The following ARK2C variants were observed in gnomAD, a reference collection of about 807,000 sequenced individuals.
ARK2C encodes the protein arkadia (RNF111) C-terminal like ring finger ubiquitin ligase 2C, also known as E3 ubiquitin-protein ligase ARK2C.
the ARK2C span, among the ~76,000 whole-genome samples, chr18:46,394,548 C>T: frequency 6.6e-6 from 1 of 152,248 alleles, no homozygotes; most frequent in African/African-American, 2.4e-5. Flanking sequence ...ATTCAGCATT[C>T]AGTTCATCTC....
the ARK2C span, among the ~76,000 whole-genome samples, chr18:46,354,715 T>C: frequency 6.6e-6 from 1 of 152,206 alleles, no homozygotes; most frequent in Non-Finnish European, 1.5e-5. Context: ...TGTCCTAGTT[T>C]AATTGCCTCT....
the ARK2C span, among the ~76,000 whole-genome samples, chr18:46,383,744 C>G: frequency 6.6e-6 from 1 of 152,024 alleles, no homozygotes; most frequent in Non-Finnish European, 1.5e-5. Context: ...TTAATACAGA[C>G]GGGGTTTCAC....
At chr18:46,334,259 C>A in the ARK2C span, 1 of 1,482,488 alleles carries the variant, frequency 6.7e-7, no homozygotes, top group Non-Finnish European at 8.9e-7. The surrounding 1 kb of genome is among the most constrained non-coding windows in gnomAD (Gnocchi z 4.4). Context: ...CCGCCGCCGC[C>A]GCGCGAGGAG....
the ARK2C span, among the ~76,000 whole-genome samples, chr18:46,455,002 A>ATTCTACATTATGGC: frequency 6.6e-6 from 1 of 152,244 alleles, no homozygotes; most frequent in Non-Finnish European, 1.5e-5. Context: ...CTACATAATG[A>ATTCTACATTATGGC]TTCTACATAT....
the ARK2C span, among the ~76,000 whole-genome samples, chr18:46,362,302 C>G: frequency 1.9e-4 from 29 of 152,340 alleles, no homozygotes; most frequent in Non-Finnish European, 4.1e-4. Flanking sequence ...CTAACTGAGA[C>G]TCTTAGGCCT....
chr18:46,437,159 C>T, the ARK2C span, among the ~76,000 whole-genome samples: 2 of 152,090 alleles, frequency 1.3e-5, no homozygotes, highest in African/African-American at 4.8e-5. Context: ...GCAGGGGATG[C>T]TAGGAGGCCC....
chr18:46,360,351 C>T, the ARK2C span, among the ~76,000 whole-genome samples: 6 of 152,222 alleles, frequency 3.9e-5, no homozygotes, highest in African/African-American at 9.6e-5. Flanking sequence ...TGCAACAGTG[C>T]AGGTGCTCCC....
chr18:46,334,044 G>T, the ARK2C span: 1 of 151,696 alleles, frequency 6.6e-6, no homozygotes, highest in South Asian at 1.9e-4. The surrounding 1 kb of genome is among the most constrained non-coding windows in gnomAD (Gnocchi z 4.4). Flanking sequence ...TTTGTGTGGC[G>T]GCAGCTGCGG....
chr18:46,334,762 G>A, the ARK2C span: 2 of 308,906 alleles, frequency 6.5e-6, no homozygotes, highest in East Asian at 5.3e-5. The surrounding 1 kb of genome is among the most constrained non-coding windows in gnomAD (Gnocchi z 4.4). Context: ...GGTTTTCTGT[G>A]GTTTGCTTTT....
the ARK2C span, among the ~76,000 whole-genome samples, chr18:46,442,589 A>C: frequency 6.6e-6 from 1 of 152,150 alleles, no homozygotes; most frequent in African/African-American, 2.4e-5. Context: ...TATCTTAGTA[A>C]ATGTTCTATA....
the ARK2C span, among the ~76,000 whole-genome samples, chr18:46,342,019 G>C: frequency 6.6e-6 from 1 of 152,164 alleles, no homozygotes; most frequent in Non-Finnish European, 1.5e-5. Context: ...CTGAGGACAA[G>C]GACAGGGGCT....
At chr18:46,383,586 A>C in the ARK2C span, among the ~76,000 whole-genome samples, 3 of 119,250 alleles carry the variant, frequency 2.5e-5, no homozygotes, top group East Asian at 2.4e-4. Flanking sequence ...ACGGAGTCTC[A>C]CTCTGTCACC....
chr18:46,355,635 CCTT>C, the ARK2C span, among the ~76,000 whole-genome samples: 4 of 152,236 alleles, frequency 2.6e-5, no homozygotes, highest in Non-Finnish European at 4.4e-5. Flanking sequence ...GCTGGCCTCT[CCTT>C]CTCTTCTTGC....
the ARK2C span, among the ~76,000 whole-genome samples, chr18:46,358,671 A>G: frequency 6.6e-6 from 1 of 152,076 alleles, no homozygotes; most frequent in Non-Finnish European, 1.5e-5. Context: ...CAAAGCCCAG[A>G]GCCTCCGGCC....
chr18:46,432,215 A>T, the ARK2C span, among the ~76,000 whole-genome samples: 8 of 152,310 alleles, frequency 5.3e-5, no homozygotes, highest in Non-Finnish European at 1.2e-4. Flanking sequence ...GAGAATTTGT[A>T]AGGTTTTCTT....
chr18:46,337,219 GA>G, the ARK2C span: 8 of 985,154 alleles, frequency 8.1e-6, no homozygotes, highest in Non-Finnish European at 9.6e-6. Flanking sequence ...AAAAGAAAGA[GA>G]AAAAAGAAAA....
the ARK2C span, among the ~76,000 whole-genome samples, chr18:46,339,143 G>T: frequency 6.6e-6 from 1 of 152,192 alleles, no homozygotes; most frequent in Non-Finnish European, 1.5e-5. Context: ...GTCCTCTGAA[G>T]ATTTTGTTTG....
chr18:46,352,260 A>C, the ARK2C span, among the ~76,000 whole-genome samples: 1 of 152,152 alleles, frequency 6.6e-6, no homozygotes, highest in Non-Finnish European at 1.5e-5. Flanking sequence ...GAAGGCAGCC[A>C]GTATGGACTC....
chr18:46,380,722 C>T, the ARK2C span, among the ~76,000 whole-genome samples: 1 of 152,182 alleles, frequency 6.6e-6, no homozygotes, highest in Admixed American at 6.5e-5. Flanking sequence ...CGAACCCAGC[C>T]TGTGTGATCT....
Sources: allele counts gnomAD v4.1 joint callset (sites outside exome capture counted in the v4.1 genomes callset), GRCh38; gene constraint gnomAD v4.1.1; non-coding constraint Gnocchi (gnomAD v3.1); transcripts MANE v1.5; gene names NCBI Gene and HGNC (gene_info 2026-07-23, HGNC 2026-07-21).